LYST: variants seen among roughly 807,000 people sequenced by gnomAD.
The protein encoded by LYST is lysosomal-trafficking regulator.
In LYST, 192 loss-of-function variants were observed where a neutral mutation model predicts 413.6. That is an observed-to-expected ratio of 0.46 (90% confidence interval 0.41 to 0.52). The LOEUF is 0.52. LYST is among the 20% of genes least tolerant of loss of function. LYST has a pLI of 0.00. For missense variants in LYST, 3,815 were observed against 4,499.9 expected (o/e 0.85, Z 4.35); for synonymous variants, 1,525 against 1,567.3 (o/e 0.97, Z 0.64).
intron 24 of LYST, 107 bp downstream of exon 24, chr1:235,757,174 T>C: frequency 1.4e-6 from 1 of 708,356 alleles, no homozygotes; most frequent in Non-Finnish European, 2.3e-6. Context: ...TATTCTAAAA[T>C]ATAAAAGAGA....
rs531396141 is a variant in LYST at position 235,780,945 on chromosome 1, T to C, written c.5134A>G (p.Ile1712Val). 12 of 1,594,846 alleles carry C rather than the reference T, an allele frequency of 7.5e-6. No homozygotes were observed. The highest frequency in any genetic ancestry group is 1.1e-5 in the South Asian group (1 of 88,518). Residue 1712 changes from isoleucine (I) to valine (V), a missense_variant, in exon 16 of 53, where the codon ATT (isoleucine) becomes GTT (valine). Ile to Val is a conservative substitution (Grantham distance 29). Coordinates refer to ENST00000389793, the MANE Select transcript of LYST (RefSeq NM_000081.4). ...GKPVNDYSKYINKEILRCEQI... is the reference protein window; with the variant it reads ...GKPVNDYSKYVNKEILRCEQI... Reference sequence around the variant, plus strand: ...TCACATCGCAAAATTTCTTTATTAATATATTTGGAGTAGTCATTGACTGGC... The same window carrying C: ...TCACATCGCAAAATTTCTTTATTAACATATTTGGAGTAGTCATTGACTGGC...
At chr1:235,787,483 C>T in intron 13 of LYST, 110 bp from the exon 14 acceptor site, 2 of 963,718 alleles carry the variant, frequency 2.1e-6, no homozygotes, top group Non-Finnish European at 3.2e-6. Flanking sequence ...AAAATCAGTT[C>T]TATTTTTTTT....
At chr1:235,752,510 C>T (rs574615927) in intron 26 of LYST, among the ~76,000 whole-genome samples, 1 of 152,140 alleles carries the variant, frequency 6.6e-6, no homozygotes, top group East Asian at 1.9e-4. Flanking sequence ...AGTTTCTAGT[C>T]CACACTAAGG....
In LYST at chr1:235,759,325, T is replaced by C. The variant is rs1171856531; in HGVS notation, c.6528A>G (p.Glu2176=). The C allele has an allele frequency of 6.2e-7, 1 of 1,614,170 alleles. No homozygotes were observed. Among genetic ancestry groups the C allele is most frequent in the Admixed American group, 1.7e-5 (1 of 60,010 alleles). ...SSCESAKTVC[E]MEAVLSAQVS... ...CCTGGGCTGAGAGGACAGCTTCCAT[T>C]TCACAAACAGTTTTTGCAGACTCAC... The change falls in exon 23 of 53, where the codon GAA becomes GAG. Residue 2176 remains glutamate, a synonymous_variant. Coordinates refer to ENST00000389793, the MANE Select transcript of LYST (RefSeq NM_000081.4).
At chr1:235,728,296 T>C (rs950542823) in intron 37 of LYST, among the ~76,000 whole-genome samples, 165 bp from the exon 38 acceptor site, 2 of 152,212 alleles carry the variant, frequency 1.3e-5, no homozygotes, top group African/African-American at 2.4e-5. Flanking sequence ...CATGAAGTCT[T>C]GGGCAAGTTG....
At chr1:235,744,333 C>A (rs1027682189) in intron 29 of LYST, among the ~76,000 whole-genome samples, 176 bp from the exon 30 acceptor site, 1 of 151,902 alleles carries the variant, frequency 6.6e-6, no homozygotes, top group East Asian at 1.9e-4. Flanking sequence ...AGTGAATTTA[C>A]GTAAAATAAC....
intron 20 of LYST, among the ~76,000 whole-genome samples, chr1:235,769,706 T>G (rs1277342568): frequency 6.6e-6 from 1 of 152,116 alleles, no homozygotes; most frequent in Non-Finnish European, 1.5e-5. Flanking sequence ...ACTGATACAA[T>G]TAGTGTCACT....
chr1:235,697,578 T>C (rs1441334831), intron 45 of LYST, among the ~76,000 whole-genome samples: 1 of 152,218 alleles, frequency 6.6e-6, no homozygotes, highest in Non-Finnish European at 1.5e-5. Context: ...CTAGTTGAAA[T>C]ACCTAAACTA....
Position 235,731,007 on chromosome 1 carries a change from T to G in LYST, c.8947+25A>C, listed in dbSNP as rs1312313310. The G allele has an allele frequency of 1.9e-6, 3 of 1,611,088 alleles. No homozygotes were observed. In the South Asian group the frequency reaches 3.3e-5, roughly 18 times the overall value. On this transcript the variant is annotated intron_variant, in intron 35 of 52. Transcript: ENST00000389793. ...ACCATAGTTCTCTGCTATATTTATA[T>G]GTTGAGTCAAGAAGCCACTATTACC...
At chr1:235,849,085 T>C (rs907043989) in intron 1 of LYST, among the ~76,000 whole-genome samples, 2 of 152,150 alleles carry the variant, frequency 1.3e-5, no homozygotes, top group African/African-American at 4.8e-5. Context: ...TACAGAACGA[T>C]ATCCTTGATG....
chr1:235,730,657 C>T (rs1204047411), intron 36 of LYST, among the ~76,000 whole-genome samples, 190 bp downstream of exon 36: 1 of 150,964 alleles, frequency 6.6e-6, no homozygotes. Flanking sequence ...ACTGAAATCC[C>T]ATGAACTCTT....
At position 235,752,090 on chromosome 1, in the gene LYST, G is replaced by A; in HGVS notation, c.7542C>T (p.Ser2514=). The A allele has an allele frequency of 6.2e-7, 1 of 1,610,672 alleles. No individual in the cohort carries two copies. Among genetic ancestry groups the A allele is most frequent in the East Asian group, 2.2e-5 (1 of 44,744 alleles). Residue 2514 remains serine (S), a synonymous_variant, in exon 27 of 53, where the codon TCC becomes TCT. Transcript: ENST00000389793. ...TAACCCTAAAATATTGTGAGCCTGA[G>A]GAACTGCAAGCATGAATTGTAACTG... ...FIAVTIHACS[S]SGSQYFRVIE...
In LYST at chr1:235,731,123, T is replaced by C; in HGVS notation, c.8856A>G (p.Thr2952=). 3 of 1,613,998 alleles carry C rather than the reference T, an allele frequency of 1.9e-6. No homozygotes were observed. The highest frequency in any genetic ancestry group is 2.5e-6 in the Non-Finnish European group (3 of 1,179,870). Reference sequence around the variant, plus strand: ...GTCTCCTCTCTCGATTTGGCCCTTCTGTTGGATCCAACTGCCATGAGGTTG... The same window carrying C: ...GTCTCCTCTCTCGATTTGGCCCTTCCGTTGGATCCAACTGCCATGAGGTTG... The part of the protein sequence containing the change: ...YYPTSWQLDP[T]EGPNRERRRL... The change falls in exon 35 of 53, where the codon ACA becomes ACG. Residue 2952 remains threonine (T), a synonymous_variant. Transcript: ENST00000389793.
intron 31 of LYST, chr1:235,738,813 C>A: frequency 2.5e-6 from 2 of 804,486 alleles, no homozygotes; most frequent in South Asian, 1.3e-5. Context: ...GCGGGTGCAC[C>A]CAATTTCCAC....
intron 18 of LYST, 29 bp downstream of exon 18, chr1:235,774,884 C>T: frequency 6.7e-7 from 1 of 1,487,152 alleles, no homozygotes; most frequent in Non-Finnish European, 9.4e-7. Flanking sequence ...GCATATGAAA[C>T]TATAAGAATA....
intron 6 of LYST, among the ~76,000 whole-genome samples, chr1:235,805,421 A>G (rs1672707374): frequency 6.6e-6 from 1 of 152,090 alleles, no homozygotes; most frequent in Admixed American, 6.6e-5. Flanking sequence ...CAGATGGTGA[A>G]TGGGTGATCA....
intron 3 of LYST, chr1:235,827,344 G>A (rs1056196443): frequency 4.2e-6 from 3 of 717,828 alleles, no homozygotes; most frequent in Non-Finnish European, 5.1e-6. Flanking sequence ...AGTCCAGCCT[G>A]GGTGAAAAAG....
At position 235,792,965 on chromosome 1, in the gene LYST, T is replaced by C. The variant is rs117462511; in HGVS notation, c.4116+538A>G. On this transcript the variant is annotated intron_variant, in intron 11 of 52. Transcript: ENST00000389793. ...AGGTATGAGCCATGGCGCCCTGCCT[T>C]AGATGTTCTCTGGAACATCCAATCC... Among the ~76,000 whole-genome samples, 395 of 152,258 alleles carry C rather than the reference T, an allele frequency of 2.6e-3. 11 individuals carry two copies. The East Asian group carries it at 0.067, about 26-fold the overall frequency.
At chr1:235,804,122 C>T (rs1172685493) in intron 7 of LYST, among the ~76,000 whole-genome samples, 1 of 152,124 alleles carries the variant, frequency 6.6e-6, no homozygotes, top group African/African-American at 2.4e-5. Context: ...GAAATATTAG[C>T]TATACCACCA....
Sources: gnomAD v4.1 joint callset for allele counts (sites outside exome capture counted in the v4.1 genomes callset) on GRCh38, gnomAD v4.1.1 for gene constraint, MANE v1.5 for transcripts, NCBI Gene and HGNC (gene_info 2026-07-23, HGNC 2026-07-21) for gene names.